CUX2: variants seen among roughly 807,000 people sequenced by gnomAD.
CUX2 encodes cut like homeobox 2.
In CUX2, 40 loss-of-function variants were observed where a neutral mutation model predicts 144.8. The ratio of observed to expected loss-of-function variants is 0.28; its 90% CI spans 0.21 to 0.36. The LOEUF is 0.36. Ranked by LOEUF, CUX2 falls within the 10% of genes least tolerant of loss-of-function variation. The pLI is 1.00. For synonymous variants in CUX2, 827 were observed against 875.6 expected, an observed-to-expected ratio of 0.94 and a Z score of 0.98; for missense variants, 1,615 against 1,994.0, an observed-to-expected ratio of 0.81 and a Z score of 3.62.
rs1238553608 is a variant in CUX2 at position 111,320,615 on chromosome 12, C to T, written c.2606C>T (p.Pro869Leu). 3.8e-6 allele frequency: 6 copies of T among 1,576,826 alleles called. No individual in the cohort carries two copies. The highest frequency in any genetic ancestry group is 2.7e-5 in the African/African-American group (2 of 73,586). The change falls in exon 17 of 22, where the codon CCG becomes CTG. Residue 869 changes from proline (P) to leucine (L), a missense_variant. Transcript: ENST00000261726. This position sits in a 1 kb window ranked among gnomAD's most constrained non-coding sequence, Gnocchi z 8.1. ...AEAGARLPYY[P>L]AYVPRTLKPT... ...GCGGGCGCGCGGCTGCCCTACTACC[C>T]GGCCTACGTGCCGCGCACCCTGAAG...
intron 1 of CUX2, among the ~76,000 whole-genome samples, chr12:111,205,562 C>T (rs1438624858): frequency 6.6e-6 from 1 of 152,198 alleles, no homozygotes; most frequent in Admixed American, 6.5e-5. Context: ...GTCATGCACA[C>T]AGCCCCCACC....
At chr12:111,119,296 A>G (rs1040218165) in intron 1 of CUX2, among the ~76,000 whole-genome samples, 2 of 152,044 alleles carry the variant, frequency 1.3e-5, no homozygotes, top group African/African-American at 2.4e-5. Context: ...CTGCCCTGAG[A>G]TTGTTCTTAA....
At chr12:111,267,847 T>C (rs958650462) in intron 4 of CUX2, among the ~76,000 whole-genome samples, 3 of 152,132 alleles carry the variant, frequency 2.0e-5, no homozygotes, top group Admixed American at 1.3e-4. Flanking sequence ...ATATATGAGG[T>C]CTTGCTTAAC....
intron 3 of CUX2, among the ~76,000 whole-genome samples, chr12:111,221,924 G>T (rs1475411122): frequency 6.6e-6 from 1 of 152,092 alleles, no homozygotes; most frequent in Non-Finnish European, 1.5e-5. Context: ...TCCTGTTCAG[G>T]GAAACAAAGA....
rs529438746 is a variant in CUX2 at position 111,291,310 on chromosome 12, C to T, written c.302-108C>T. 270 of 1,348,410 alleles carry T rather than the reference C, an allele frequency of 2.0e-4. No homozygotes were observed. In the African/African-American group the frequency reaches 3.5e-3, roughly 18 times the overall value. 83.5% of individuals were successfully genotyped at this position (1,348,410 alleles called of 1,614,324 possible). A position where few individuals can be genotyped will look rare whatever the true frequency, so the allele number is the denominator to read the frequency against. On this transcript the variant is annotated intron_variant, in intron 4 of 21. Coordinates refer to ENST00000261726, the MANE Select transcript of CUX2 (RefSeq NM_015267.4). ...GTCCATGCTACTTCCTGTAAGCCAG[C>T]GGGGTGACTCCGATGGCTCCTGTGG...
At chr12:111,108,249 C>T (rs1374276022) in intron 1 of CUX2, among the ~76,000 whole-genome samples, 2 of 152,148 alleles carry the variant, frequency 1.3e-5, no homozygotes, top group African/African-American at 4.8e-5. Flanking sequence ...GATCAGGAGG[C>T]ACCACTGCTG....
At chr12:111,177,896 T>G (rs1054903137) in intron 1 of CUX2, among the ~76,000 whole-genome samples, 6 of 152,224 alleles carry the variant, frequency 3.9e-5, no homozygotes, top group African/African-American at 1.4e-4. Context: ...AATATAACTG[T>G]CTCAAAGCAT....
At chr12:111,146,137 G>A (rs904488676) in intron 1 of CUX2, among the ~76,000 whole-genome samples, 15 of 152,120 alleles carry the variant, frequency 9.9e-5, no homozygotes, top group Non-Finnish European at 1.5e-4. Context: ...CCAGCAACAC[G>A]CCCACCCAAG....
At chr12:111,207,960 G>GT (rs1216186796) in intron 1 of CUX2, among the ~76,000 whole-genome samples, 1 of 152,136 alleles carries the variant, frequency 6.6e-6, no homozygotes, top group African/African-American at 2.4e-5. Context: ...AAAGGAGACT[G>GT]TGGAACCACG....
intron 3 of CUX2, among the ~76,000 whole-genome samples, chr12:111,244,779 A>G (rs1883198013): frequency 6.6e-6 from 1 of 152,180 alleles, no homozygotes; most frequent in African/African-American, 2.4e-5. Context: ...CTGGGGTTGC[A>G]TAAACTCCTC....
chr12:111,179,826 A>G (rs894558661), intron 1 of CUX2, among the ~76,000 whole-genome samples: 2 of 151,862 alleles, frequency 1.3e-5, no homozygotes, highest in Non-Finnish European at 2.9e-5. Flanking sequence ...ACAGGCACAT[A>G]CCACCATGCC....
chr12:111,164,951 A>G (rs376924647), intron 1 of CUX2, among the ~76,000 whole-genome samples: 1 of 152,246 alleles, frequency 6.6e-6, no homozygotes, highest in South Asian at 2.1e-4. Context: ...AGGGCCAGCC[A>G]TGGGGGGGAG....
chr12:111,229,869 C>T (rs73415995), intron 3 of CUX2, among the ~76,000 whole-genome samples: 2,349 of 152,086 alleles, frequency 0.015, 57 homozygotes, highest in African/African-American at 0.053. Context: ...AAAAAGTTAG[C>T]GAAGCGTGGT....
chr12:111,166,854 C>A (rs542277536), intron 1 of CUX2, among the ~76,000 whole-genome samples: 56 of 152,270 alleles, frequency 3.7e-4, no homozygotes, highest in African/African-American at 1.3e-3. Context: ...CGCGTGCCGG[C>A]CGCATTCTGA....
chr12:111,182,491 G>A (rs981637458), intron 1 of CUX2, among the ~76,000 whole-genome samples: 4 of 152,228 alleles, frequency 2.6e-5, no homozygotes, highest in African/African-American at 9.6e-5. Flanking sequence ...GTCCTTGACG[G>A]TGGAACAGTT....
intron 4 of CUX2, among the ~76,000 whole-genome samples, chr12:111,281,940 G>A (rs1012827276): frequency 2.0e-5 from 3 of 152,040 alleles, no homozygotes; most frequent in African/African-American, 7.2e-5. Context: ...GGTGAGCCTC[G>A]GACTGCAGCA....
At chr12:111,276,331 T>C (rs531037058) in intron 4 of CUX2, among the ~76,000 whole-genome samples, 4 of 152,186 alleles carry the variant, frequency 2.6e-5, no homozygotes, top group Non-Finnish European at 5.9e-5. Context: ...TACTCCAGCC[T>C]GGATGACAGT....
intron 6 of CUX2, among the ~76,000 whole-genome samples, chr12:111,294,585 C>CAAAAA (rs35222521): frequency 1.0e-5 from 1 of 100,036 alleles, no homozygotes; most frequent in Non-Finnish European, 2.4e-5. Flanking sequence ...CCTATCTTTT[C>CAAAAA]AAAAAAAAAA....
intron 2 of CUX2, among the ~76,000 whole-genome samples, chr12:111,215,627 GA>G (rs1267328054): frequency 6.6e-6 from 1 of 152,228 alleles, no homozygotes. Context: ...GTGATGCCGA[GA>G]ACCCTTCCTT....
Sources: allele counts gnomAD v4.1 joint callset (sites outside exome capture counted in the v4.1 genomes callset), GRCh38; gene constraint gnomAD v4.1.1; non-coding constraint Gnocchi (gnomAD v3.1); transcripts MANE v1.5; gene names NCBI Gene and HGNC (gene_info 2026-07-23, HGNC 2026-07-21).